TAB3: variants seen among roughly 807,000 people sequenced by gnomAD.
The protein encoded by TAB3 is TGF-beta activated kinase 1 (MAP3K7) binding protein 3.
Under a neutral mutation model 48.1 loss-of-function variants are expected in TAB3, and 18 were observed. The observed-to-expected ratio is 0.37, with a 90% CI of 0.26 to 0.55. The LOEUF is 0.55. TAB3 is among the 20% of genes least tolerant of loss of function. The pLI is 0.78. For missense variants in TAB3, 414 were observed against 549.8 expected, an observed-to-expected ratio of 0.75 and a Z score of 2.47; for synonymous variants, 185 against 190.2, an observed-to-expected ratio of 0.97 and a Z score of 0.22.
At position 30,855,104 on chromosome X, in the gene TAB3, T is replaced by C; in HGVS notation, c.561A>G (p.Ile187Met). 1 of 1,211,303 alleles carries C rather than the reference T, an allele frequency of 8.3e-7. No homozygotes were observed. Among genetic ancestry groups the C allele is most frequent in the Non-Finnish European group, 1.1e-6 (1 of 895,315 alleles). Residue 187 changes from isoleucine to methionine, a missense_variant, in exon 6 of 11, where the codon ATA becomes ATG. Ile to Met is a conservative substitution (Grantham distance 10). Coordinates refer to ENST00000288422, the MANE Select transcript of TAB3 (RefSeq NM_152787.5). ...PPPPPPSYMH[I>M]PRYSTNPITV... is the part of the protein sequence containing the mutation. ...TAATTGGATTTGTACTATACCGAGG[T>C]ATGTGCATGTATGAAGGAGGTGGCG...
Position 30,848,701 on chromosome X carries a change from C to T in TAB3, c.1711-2057G>A, listed in dbSNP as rs190147530. On this transcript the variant is annotated intron_variant, in intron 7 of 10. Coordinates refer to ENST00000288422, the MANE Select transcript of TAB3 (RefSeq NM_152787.5). Reference sequence around the variant, plus strand: ...ACTGCCATTTGTCAAAAGTAGTTTTCGTGCAGGAGGAATTTCAAAATTGGG... The same window carrying T: ...ACTGCCATTTGTCAAAAGTAGTTTTTGTGCAGGAGGAATTTCAAAATTGGG... 8.9e-5 allele frequency among the ~76,000 whole-genome samples: 10 copies of T among 111,883 alleles called. No individual in the cohort carries two copies. The Admixed American group carries it at 9.5e-4, about 11-fold the overall frequency.
At chrX:30,868,086 G>A (rs1432591925) in intron 2 of TAB3, among the ~76,000 whole-genome samples, 2 of 102,893 alleles carry the variant, frequency 1.9e-5, no homozygotes, top group African/African-American at 7.0e-5. Flanking sequence ...TCATAGAGAC[G>A]GGGTTTCACC....
chrX:30,864,803 G>GTT (rs35078525), intron 4 of TAB3, among the ~76,000 whole-genome samples: 70 of 91,759 alleles, frequency 7.6e-4, no homozygotes, highest in African/African-American at 2.4e-3. Context: ...GTGTGTGTGT[G>GTT]TTTTTTTTTT....
intron 4 of TAB3, among the ~76,000 whole-genome samples, chrX:30,864,615 CCA>C (rs1939346873): frequency 8.9e-6 from 1 of 112,352 alleles, no homozygotes; most frequent in Non-Finnish European, 1.9e-5. Flanking sequence ...TGCTTTGTTT[CCA>C]CAGTTTTTCC....
At chrX:30,844,327 C>T (rs1233108195) in intron 8 of TAB3, 2 of 112,124 alleles carry the variant, frequency 1.8e-5, no homozygotes, top group Non-Finnish European at 3.8e-5. Flanking sequence ...GTTTCCCTTG[C>T]AGGCCCTTTC....
Position 30,830,527 on chromosome X carries a change from G to C in TAB3, c.*900C>G, listed in dbSNP as rs192653113. ...GCTCAAGATTTCCAAATGGATTTTG[G>C]AATGGACTTGCATTTGGCATACATT... On this transcript the variant is annotated 3_prime_UTR_variant, in exon 11 of 11. Coordinates refer to ENST00000288422, the MANE Select transcript of TAB3 (RefSeq NM_152787.5). The C allele has an allele frequency of 8.9e-6, 1 of 112,436 alleles. No homozygotes were observed. The highest frequency in any genetic ancestry group is 2.8e-4 in the East Asian group (1 of 3,589). The allele number at this position is 112,436 out of a possible 1,213,427, so 9.3% of individuals were successfully genotyped here. A position where few individuals can be genotyped will look rare whatever the true frequency, so the allele number is the denominator to read the frequency against.
At chrX:30,868,408 A>T (rs777429768) in intron 2 of TAB3, among the ~76,000 whole-genome samples, 1 of 46,112 alleles carries the variant, frequency 2.2e-5, no homozygotes, top group Non-Finnish European at 3.4e-5. Context: ...TATATAGCTT[A>T]TATATATATA....
At chrX:30,869,120 G>A (rs1240933665) in intron 2 of TAB3, among the ~76,000 whole-genome samples, 1 of 108,826 alleles carries the variant, frequency 9.2e-6, no homozygotes, top group Non-Finnish European at 1.9e-5. Flanking sequence ...GAGTGCAATG[G>A]CACGATCTCA....
chrX:30,880,719 G>A (rs1459602778), intron 1 of TAB3, among the ~76,000 whole-genome samples: 1 of 111,411 alleles, frequency 9.0e-6, no homozygotes, highest in African/African-American at 3.3e-5. Flanking sequence ...ACACATTTTT[G>A]AAGAAATTCC....
At chrX:30,870,099 G>C (rs1939621040) in intron 2 of TAB3, among the ~76,000 whole-genome samples, 1 of 111,967 alleles carries the variant, frequency 8.9e-6, no homozygotes, top group African/African-American at 3.2e-5. Flanking sequence ...TGATTAAGAA[G>C]CAAAATGGAA....
At chrX:30,840,362 G>A (rs1482100899) in intron 9 of TAB3, among the ~76,000 whole-genome samples, 5 of 111,537 alleles carry the variant, frequency 4.5e-5, no homozygotes, top group Non-Finnish European at 9.4e-5. Flanking sequence ...TTCCTTCTAA[G>A]CACTGCTTTA....
chrX:30,879,573 T>C (rs1273071032), intron 1 of TAB3, among the ~76,000 whole-genome samples: 2 of 111,548 alleles, frequency 1.8e-5, no homozygotes, highest in Admixed American at 9.5e-5. Context: ...AAGCTCCTAA[T>C]AAACTAAGGA....
In TAB3 at chrX:30,855,090, G is replaced by C. The variant is rs1348407795; in HGVS notation, c.575C>G (p.Thr192Arg). 1 of 1,209,885 alleles carries C rather than the reference G, an allele frequency of 8.3e-7. No individual in the cohort carries two copies. Among genetic ancestry groups the C allele is most frequent in the Non-Finnish European group, 1.1e-6 (1 of 895,224 alleles). ...PSYMHIPRYS[T>R]NPITVTVSQN... ...GGATACTGTAACAGTAATTGGATTTGTACTATACCGAGGTATGTGCATGTA... is the reference window on the plus strand; with the variant it reads ...GGATACTGTAACAGTAATTGGATTTCTACTATACCGAGGTATGTGCATGTA... Residue 192 changes from threonine (T) to arginine (R), a missense_variant, in exon 6 of 11, where the codon ACA becomes AGA. By Grantham distance (71) the Thr-to-Arg change is moderately conservative (BLOSUM62 -1). Transcript: ENST00000288422.
intron 9 of TAB3, among the ~76,000 whole-genome samples, chrX:30,840,991 AC>A (rs953518235): frequency 2.7e-5 from 3 of 112,310 alleles, no homozygotes; most frequent in Non-Finnish European, 5.6e-5. Context: ...GATTTTATGA[AC>A]CCAAAAGACT....
intron 7 of TAB3, 98 bp from the exon 8 acceptor site, chrX:30,846,742 T>C: frequency 2.0e-6 from 1 of 506,297 alleles, no homozygotes; most frequent in Non-Finnish European, 3.3e-6. Flanking sequence ...GATTGGGTAT[T>C]ACCAAGAATA....
chrX:30,834,593 G>A (rs1262410173), intron 9 of TAB3: 3 of 112,587 alleles, frequency 2.7e-5, no homozygotes, highest in Non-Finnish European at 3.7e-5. Flanking sequence ...ATGATGAAAT[G>A]TGATGAAAAT....
intron 1 of TAB3, among the ~76,000 whole-genome samples, chrX:30,875,479 T>G (rs1255390184): frequency 9.0e-6 from 1 of 111,680 alleles, no homozygotes; most frequent in Non-Finnish European, 1.9e-5. Context: ...ACTGCCTTTT[T>G]TTTTTTTCCT....
intron 1 of TAB3, among the ~76,000 whole-genome samples, chrX:30,875,508 T>C (rs1799794848): frequency 9.0e-6 from 1 of 110,800 alleles, no homozygotes; most frequent in Admixed American, 9.6e-5. Flanking sequence ...AGGGCAGATA[T>C]ATATTATACC....
chrX:30,834,563 C>T (rs1018414748), intron 9 of TAB3: 2 of 118,172 alleles, frequency 1.7e-5, no homozygotes, highest in Admixed American at 8.6e-5. Flanking sequence ...GGGCACTATC[C>T]ATACAGTAAG....
Sources: gnomAD v4.1 joint callset for allele counts (sites outside exome capture counted in the v4.1 genomes callset) on GRCh38, gnomAD v4.1.1 for gene constraint, MANE v1.5 for transcripts, NCBI Gene and HGNC (gene_info 2026-07-23, HGNC 2026-07-21) for gene names.